CFAP20DC: variants seen among roughly 807,000 people sequenced by gnomAD.
CFAP20DC encodes CFAP20 domain containing.
A neutral mutation model predicts 101.7 loss-of-function variants in CFAP20DC; 84 were observed. That is an observed-to-expected ratio of 0.83 (90% CI 0.69 to 0.99). The LOEUF is 0.99. Among genes scored for constraint, CFAP20DC ranks in the 50% least tolerant of loss-of-function variants. The pLI is 0.00. For synonymous variants in CFAP20DC, 359 were observed against 351.2 expected (o/e 1.02, Z -0.25); for missense variants, 1,007 against 970.3 (o/e 1.04, Z -0.50).
At chr3:58,985,844 T>C (rs951580675) in intron 4 of CFAP20DC, among the ~76,000 whole-genome samples, 2 of 152,340 alleles carry the variant, frequency 1.3e-5, no homozygotes, top group Admixed American at 6.5e-5. Flanking sequence ...TGATAGTCTA[T>C]GAACTCACTA....
intron 4 of CFAP20DC, among the ~76,000 whole-genome samples, chr3:58,979,607 G>A (rs1225214971): frequency 6.6e-6 from 1 of 152,096 alleles, no homozygotes; most frequent in Non-Finnish European, 1.5e-5. Flanking sequence ...TTCCGGTCTG[G>A]TATCTAAAGT....
In CFAP20DC at chr3:59,047,248, C is replaced by T; in HGVS notation, c.28G>A (p.Ala10Thr). 1 of 1,529,554 alleles carries T rather than the reference C, an allele frequency of 6.5e-7. No individual in the cohort carries two copies. The highest frequency in any genetic ancestry group is 8.8e-7 in the Non-Finnish European group (1 of 1,141,130). The allele number at this position is 1,529,554 out of a possible 1,614,324, so 94.7% of individuals were successfully genotyped here. Residue 10 changes from alanine (A) to threonine (T), a missense_variant, in exon 2 of 17, where the codon GCA (alanine) becomes ACA (threonine). By Grantham distance (58) the Ala-to-Thr change is moderately conservative (BLOSUM62 0). Transcript: ENST00000482387. MFKNEYQGG[A>T]FVEIFSAQGK... is the part of the protein sequence containing the mutation. ...TGAGCACTGAAAATTTCAACAAATGCACCTCCCTAGAAAATGAAAATAAAA... is the reference window on the plus strand; with the variant it reads ...TGAGCACTGAAAATTTCAACAAATGTACCTCCCTAGAAAATGAAAATAAAA...
In CFAP20DC at chr3:58,763,881, C is replaced by T. The variant is rs529268879; in HGVS notation, c.2238-10018G>A. On this transcript the variant is annotated intron_variant, in intron 15 of 16. Transcript: ENST00000482387. ...ATTGGTGAACAGCAAATGTTGCTGC[C>T]TGATAGTTCCTCTGGAAGTTTTATC... Among the ~76,000 whole-genome samples, 5 of 152,304 alleles carry T rather than the reference C, an allele frequency of 3.3e-5. No homozygotes were observed. The East Asian group carries it at 5.8e-4, about 18-fold the overall frequency.
intron 3 of CFAP20DC, among the ~76,000 whole-genome samples, chr3:59,044,898 C>T (rs1444459824): frequency 6.6e-6 from 1 of 151,926 alleles, no homozygotes; most frequent in African/African-American, 2.4e-5. Context: ...GATGAAACCA[C>T]AGTTTCAGAC....
At chr3:59,008,185 T>C (rs573499798) in intron 4 of CFAP20DC, among the ~76,000 whole-genome samples, 1 of 152,114 alleles carries the variant, frequency 6.6e-6, no homozygotes, top group African/African-American at 2.4e-5. Context: ...CCTCCCTACT[T>C]GGAACATCAA....
chr3:58,968,112 T>C (rs1317202184), intron 4 of CFAP20DC, among the ~76,000 whole-genome samples: 1 of 152,244 alleles, frequency 6.6e-6, no homozygotes, highest in Non-Finnish European at 1.5e-5. Context: ...AGTCAGTCAC[T>C]GATGGGCATT....
chr3:59,001,056 A>C lies in CFAP20DC; in HGVS notation c.278+38501T>G, dbSNP rs935563781. 6.6e-6 allele frequency among the ~76,000 whole-genome samples: 1 copy of C among 152,152 alleles called. No individual in the cohort carries two copies. Among genetic ancestry groups the C allele is most frequent in the African/African-American group, 2.4e-5 (1 of 41,440 alleles). On this transcript the variant is annotated intron_variant, in intron 4 of 16. Transcript: ENST00000482387. The surrounding 1 kb of genome is among the most constrained non-coding windows in gnomAD (Gnocchi z 4.5). ...AGAAGCTTAAAAAAAATTAAATGTT[A>C]CTAAAATAGGGTGCATATTGGAATT...
Position 58,722,287 on chromosome 3 carries a change from A to G in CFAP20DC, c.198-4659T>C, listed in dbSNP as rs1326379061. Among the ~76,000 whole-genome samples, 5 of 152,136 alleles carry G rather than the reference A, an allele frequency of 3.3e-5. No homozygotes were observed. Among genetic ancestry groups the G allele is most frequent in the Non-Finnish European group, 1.5e-5 (1 of 68,024 alleles). ...TGAGCCTTTCCAGCTGAGGTCCCAG[A>G]TATCATGAAGCTGAGTTAAGCTGTC... On this transcript the variant is annotated intron_variant, in intron 3 of 3. Transcript: ENST00000486145. The surrounding 1 kb of genome is among the most constrained non-coding windows in gnomAD (Gnocchi z 4.5).
At chr3:59,023,588 T>C (rs575496642) in intron 4 of CFAP20DC, among the ~76,000 whole-genome samples, 1 of 151,898 alleles carries the variant, frequency 6.6e-6, no homozygotes, top group African/African-American at 2.4e-5. Context: ...GAGAGAGAGG[T>C]GCCTGAGATC....
chr3:58,790,181 A>T (rs1659243331), intron 15 of CFAP20DC, among the ~76,000 whole-genome samples: 1 of 152,182 alleles, frequency 6.6e-6, no homozygotes, highest in Non-Finnish European at 1.5e-5. Context: ...TCTTCTAATT[A>T]TTACACTCTC....
At chr3:59,013,548 T>A (rs2093631073) in intron 4 of CFAP20DC, among the ~76,000 whole-genome samples, 1 of 152,174 alleles carries the variant, frequency 6.6e-6, no homozygotes, top group Non-Finnish European at 1.5e-5. Context: ...CACTACAAAT[T>A]GTTTGCATTT....
At chr3:58,920,128 T>C (rs2085192822) in intron 5 of CFAP20DC, among the ~76,000 whole-genome samples, 1 of 133,170 alleles carries the variant, frequency 7.5e-6, no homozygotes, top group South Asian at 2.5e-4. Flanking sequence ...TAGCCCAGGC[T>C]GGAGTGTAGT....
chr3:58,800,937 A>G (rs564012402), intron 15 of CFAP20DC, among the ~76,000 whole-genome samples: 7 of 146,932 alleles, frequency 4.8e-5, no homozygotes, highest in Non-Finnish European at 1.0e-4. Context: ...CCAGGTGTAT[A>G]CCTACTCACT....
intron 16 of CFAP20DC, among the ~76,000 whole-genome samples, chr3:58,748,340 C>T (rs987849626): frequency 6.6e-5 from 10 of 152,138 alleles, no homozygotes; most frequent in Non-Finnish European, 1.3e-4. Flanking sequence ...AAAGCTGGGA[C>T]CAGCCTTCTG....
At chr3:58,900,606 G>T (rs1004673113) in intron 6 of CFAP20DC, among the ~76,000 whole-genome samples, 22 of 152,172 alleles carry the variant, frequency 1.4e-4, no homozygotes, top group African/African-American at 5.1e-4. Context: ...AACTGCTTTT[G>T]CTAACAAATA....
In CFAP20DC at chr3:58,814,286, G is replaced by C. The variant is rs190907938; in HGVS notation, c.2176-7830C>G. Among the ~76,000 whole-genome samples the C allele has an allele frequency of 2.2e-4, 34 of 151,884 alleles. 1 individual carries two copies. Among genetic ancestry groups the C allele is most frequent in the Admixed American group, 1.8e-3 (27 of 15,262 alleles). ...AGAAGTGGTTACAGAATCCTATCTT[G>C]TTAGTGACTCAGCCCCTCCTTGCTT... On this transcript the variant is annotated intron_variant, in intron 14 of 16. Transcript: ENST00000482387.
intron 15 of CFAP20DC, among the ~76,000 whole-genome samples, chr3:58,800,912 C>T (rs1358627889): frequency 2.0e-5 from 3 of 150,910 alleles, no homozygotes; most frequent in East Asian, 2.0e-4. Context: ...TGAAGATTTT[C>T]ATTTTCCATG....
At position 58,721,312 on chromosome 3, in the gene CFAP20DC, G is replaced by C. The variant is rs890967297; in HGVS notation, c.198-3684C>G. 6.6e-6 allele frequency among the ~76,000 whole-genome samples: 1 copy of C among 152,170 alleles called. No homozygotes were observed. The highest frequency in any genetic ancestry group is 2.4e-5 in the African/African-American group (1 of 41,436). ...CTTCTGGGTGCATGTGTTGGGGCAG[G>C]GGTTATCAATGGTCACCAAAATCAG... On this transcript the variant is annotated intron_variant, in intron 3 of 3. Coordinates refer to the CFAP20DC transcript ENST00000486145. The surrounding 1 kb of genome is among the most constrained non-coding windows in gnomAD (Gnocchi z 5.2).
chr3:58,781,239 AC>A (rs2071799036), intron 15 of CFAP20DC, among the ~76,000 whole-genome samples: 2 of 151,954 alleles, frequency 1.3e-5, no homozygotes, highest in Admixed American at 1.3e-4. Flanking sequence ...CTTGAAAAAA[AC>A]AAAATAAAAA....
Sources: allele counts gnomAD v4.1 joint callset (sites outside exome capture counted in the v4.1 genomes callset), GRCh38; gene constraint gnomAD v4.1.1; non-coding constraint Gnocchi (gnomAD v3.1); transcripts MANE v1.5; gene names NCBI Gene and HGNC (gene_info 2026-07-23, HGNC 2026-07-21).